Variants in AP3M1 observed in about 807,000 individuals in gnomAD.
AP3M1 encodes the protein adaptor related protein complex 3 subunit mu 1.
In AP3M1, 29 loss-of-function variants were observed where a neutral mutation model predicts 42.6. The observed-to-expected ratio is 0.68, with a 90% CI of 0.51 to 0.93. The LOEUF is 0.93. Among genes scored for constraint, AP3M1 ranks in the 40% least tolerant of loss-of-function variants. The pLI, the probability that AP3M1 is intolerant of heterozygous loss-of-function variation, is 0.00. For missense variants in AP3M1, 416 were observed against 510.2 expected (o/e 0.82, Z 1.78); for synonymous variants, 178 against 175.3 (o/e 1.02, Z -0.12).
At chr10:74,130,211 G>A (rs1246089301) in intron 4 of AP3M1, among the ~76,000 whole-genome samples, 1 of 151,972 alleles carries the variant, frequency 6.6e-6, no homozygotes, top group African/African-American at 2.4e-5. Context: ...TGGGAATATA[G>A]GTGCGTGCCA....
chr10:74,123,766 G>T lies in AP3M1; in HGVS notation c.*44C>A. 1 of 1,443,422 alleles carries T rather than the reference G, an allele frequency of 6.9e-7. No individual in the cohort carries two copies. The highest frequency in any genetic ancestry group is 1.1e-5 in the South Asian group (1 of 87,598). The allele number at this position is 1,443,422 out of a possible 1,614,324, so 89.4% of individuals were successfully genotyped here. ...GTACCTAATAGTGATACATCGTAAT[G>T]ACACTTGGAAAACAAACTGGTCCTG... On this transcript the variant is annotated 3_prime_UTR_variant, in exon 9 of 9. Transcript: ENST00000355264.
chr10:74,139,619 T>C (rs1316413975), intron 1 of AP3M1, among the ~76,000 whole-genome samples: 3 of 104,608 alleles, frequency 2.9e-5, no homozygotes, highest in Non-Finnish European at 4.0e-5. Context: ...CTGTCTCTAC[T>C]AAAAAAAAAA....
At chr10:74,148,897 G>A (rs1272047823) in intron 1 of AP3M1, among the ~76,000 whole-genome samples, 1 of 148,702 alleles carries the variant, frequency 6.7e-6, no homozygotes, top group South Asian at 2.1e-4. Flanking sequence ...TTTTTGAGAC[G>A]GAGTCTTACT....
chr10:74,148,197 G>A (rs947227542), intron 1 of AP3M1, among the ~76,000 whole-genome samples: 2 of 152,180 alleles, frequency 1.3e-5, no homozygotes, highest in African/African-American at 2.4e-5. Context: ...ACATTCAAAT[G>A]CTGAAGGAAA....
intron 4 of AP3M1, among the ~76,000 whole-genome samples, chr10:74,132,395 TAA>T (rs1299751086): frequency 6.6e-6 from 1 of 151,978 alleles, no homozygotes; most frequent in Non-Finnish European, 1.5e-5. Context: ...TTTGTCTGGT[TAA>T]AAAGATAATC....
intron 1 of AP3M1, among the ~76,000 whole-genome samples, chr10:74,148,569 T>C (rs184934092): frequency 2.6e-5 from 4 of 152,258 alleles, no homozygotes; most frequent in African/African-American, 9.6e-5. Context: ...TTTTAAGAGA[T>C]AGGGTCTTGT....
intron 1 of AP3M1, among the ~76,000 whole-genome samples, chr10:74,141,954 C>T (rs1286924199): frequency 6.6e-6 from 1 of 151,578 alleles, no homozygotes; most frequent in Admixed American, 6.6e-5. Context: ...AACTCCTGAC[C>T]TCGTGATCCG....
rs746997846 is a variant in AP3M1, at chr10:74,136,799, T to A, written c.278A>T (p.Tyr93Phe). Reference sequence around the variant, plus strand: ...TGCAGCCTCTGAACACTCACCAAAGTAGTCCTGACAAAATACACACAAAAT... The same window carrying A: ...TGCAGCCTCTGAACACTCACCAAAGAAGTCCTGACAAAATACACACAAAAT... ...LHRVADTFQD[Y>F]FGECSEAAIK... The change falls in exon 3 of 9, where the codon TAC becomes TTC. Residue 93 changes from tyrosine (Y) to phenylalanine (F), a missense_variant. Tyr to Phe is a conservative substitution (Grantham distance 22). Coordinates refer to ENST00000355264, the MANE Select transcript of AP3M1 (RefSeq NM_012095.6). 6.7e-7 allele frequency: 1 copy of A among 1,493,470 alleles called. No homozygotes were observed. 92.5% of individuals were successfully genotyped at this position (1,493,470 alleles called of 1,614,324 possible). A position where few individuals can be genotyped will look rare whatever the true frequency, so the allele number is the denominator to read the frequency against.
chr10:74,127,828 C>T (rs937759098), intron 6 of AP3M1, among the ~76,000 whole-genome samples: 2 of 151,960 alleles, frequency 1.3e-5, no homozygotes, highest in African/African-American at 2.4e-5. Context: ...AGGCCAGGCA[C>T]GGTGGCTCAC....
chr10:74,140,164 C>CG (rs1328347338), intron 1 of AP3M1, among the ~76,000 whole-genome samples: 2 of 152,284 alleles, frequency 1.3e-5, no homozygotes, highest in African/African-American at 2.4e-5. Context: ...CTCGGTCCCC[C>CG]GGGTGCCAGG....
chr10:74,142,724 T>C (rs1841195155), intron 1 of AP3M1, among the ~76,000 whole-genome samples: 1 of 152,230 alleles, frequency 6.6e-6, no homozygotes, highest in Non-Finnish European at 1.5e-5. Flanking sequence ...GCTTGCTTTG[T>C]GTCTTATATT....
At chr10:74,139,543 A>T (rs937708950) in intron 1 of AP3M1, among the ~76,000 whole-genome samples, 2 of 150,440 alleles carry the variant, frequency 1.3e-5, no homozygotes, top group African/African-American at 4.9e-5. Flanking sequence ...GCACTTGGGG[A>T]GGCCGAGGCA....
chr10:74,129,265 C>T (rs781728113), intron 5 of AP3M1, 24 bp from the exon 6 acceptor site: 13 of 1,611,308 alleles, frequency 8.1e-6, no homozygotes, highest in African/African-American at 4.0e-5. Context: ...AGAAGACAGT[C>T]GTTCATAGAC....
At position 74,123,746 on chromosome 10, in the gene AP3M1, T is replaced by G; in HGVS notation, c.*64A>C. ...TATGTATTCCCACTCACTTGGTACC[T>G]AATAGTGATACATCGTAATGACACT... On this transcript the variant is annotated 3_prime_UTR_variant, in exon 9 of 9. Transcript: ENST00000355264. The G allele has an allele frequency of 8.0e-7, 1 of 1,243,104 alleles. No individual in the cohort carries two copies. Among genetic ancestry groups the G allele is most frequent in the Non-Finnish European group, 1.2e-6 (1 of 841,818 alleles). 77.0% of individuals were successfully genotyped at this position (1,243,104 alleles called of 1,614,324 possible).
At chr10:74,146,540 T>C (rs1016700341) in intron 1 of AP3M1, among the ~76,000 whole-genome samples, 4 of 152,058 alleles carry the variant, frequency 2.6e-5, no homozygotes, top group Admixed American at 1.3e-4. Flanking sequence ...CTAAAAAACA[T>C]TTAGGCTTGG....
chr10:74,148,545 G>A (rs532325539), intron 1 of AP3M1, among the ~76,000 whole-genome samples: 1 of 152,248 alleles, frequency 6.6e-6, no homozygotes, highest in South Asian at 2.1e-4. Context: ...TAGCGTATGT[G>A]TATATGTATT....
chr10:74,123,679 TTGTTAGCGGTG>T lies in AP3M1; in HGVS notation c.*120_*130del, dbSNP rs1840533979. On this transcript the variant is annotated 3_prime_UTR_variant, in exon 9 of 9. Coordinates refer to ENST00000355264, the MANE Select transcript of AP3M1 (RefSeq NM_012095.6). ...ATCCTACATTGATAACTAAGTAACTTTGTTAGCGGTGTGTAGCTAGACACAAATGCTTTAAC... is the reference window on the plus strand; with the variant it reads ...ATCCTACATTGATAACTAAGTAACTTTGTAGCTAGACACAAATGCTTTAAC... 2 of 715,504 alleles carry T rather than the reference TTGTTAGCGGTG, an allele frequency of 2.8e-6. No individual in the cohort carries two copies. Among genetic ancestry groups the T allele is most frequent in the South Asian group, 3.5e-5 (2 of 56,412 alleles). The allele number at this position is 715,504 out of a possible 1,614,324, so 44.3% of individuals were successfully genotyped here. A position where few individuals can be genotyped will look rare whatever the true frequency, so the allele number is the denominator to read the frequency against.
intron 4 of AP3M1, 81 bp from the exon 5 acceptor site, chr10:74,130,073 T>G (rs1217575662): frequency 2.0e-6 from 2 of 994,944 alleles, no homozygotes; most frequent in African/African-American, 1.6e-5. Flanking sequence ...CTTTTTATTT[T>G]TATTTATTGT....
rs770968224 is a variant in AP3M1 at position 74,128,439 on chromosome 10, A to G, written c.803+669T>C. Among the ~76,000 whole-genome samples, 65 of 151,984 alleles carry G rather than the reference A, an allele frequency of 4.3e-4. 1 individual carries two copies. Among genetic ancestry groups the G allele is most frequent in the Admixed American group, 1.2e-3 (19 of 15,266 alleles). ...TTTTTAGTAGAGACAGGGTTTCACC[A>G]TGTTGACCAGACTGGTCTAGAACTC... On this transcript the variant is annotated intron_variant, in intron 6 of 8. Transcript: ENST00000355264.
Sources: gnomAD v4.1 joint callset for allele counts (sites outside exome capture counted in the v4.1 genomes callset) on GRCh38, gnomAD v4.1.1 for gene constraint, MANE v1.5 for transcripts, NCBI Gene and HGNC (gene_info 2026-07-23, HGNC 2026-07-21) for gene names.